The following DRAXIN variants were observed in gnomAD, a reference collection of about 807,000 sequenced individuals.
DRAXIN encodes dorsal inhibitory axon guidance protein, also known as dorsal repulsive axon guidance protein.
DRAXIN carries 27 observed loss-of-function variants against 33.9 expected under a neutral mutation model. That is an observed-to-expected ratio of 0.80 (90% CI 0.59 to 1.10). The LOEUF is 1.10. Ranked by LOEUF, DRAXIN falls within the 50% of genes least tolerant of loss-of-function variation. The pLI is 0.00. For missense variants in DRAXIN, 371 were observed against 460.8 expected (o/e 0.81, Z 1.78); for synonymous variants, 178 against 194.0 (o/e 0.92, Z 0.69).
At position 11,695,416 on chromosome 1, in the gene DRAXIN, T is replaced by TA. The variant is rs1038967040; in HGVS notation, c.-11+3573dup. The stretch of plus-strand genomic sequence containing the variant: ...CAACATGGTGCAACCCTATCTCTAC[T>TA]AAAAAAAAAAGATACAAAAATTAGC... On this transcript the variant is annotated intron_variant, in intron 1 of 6. Transcript: ENST00000294485. 3.4e-3 allele frequency among the ~76,000 whole-genome samples: 501 copies of TA among 146,690 alleles called. 2 individuals carry two copies. Among genetic ancestry groups the TA allele is most frequent in the African/African-American group, 0.011 (434 of 40,094 alleles).
intron 3 of DRAXIN, 120 bp from the exon 4 acceptor site, chr1:11,711,731 C>A: frequency 1.1e-6 from 1 of 882,490 alleles, no homozygotes; most frequent in Non-Finnish European, 1.8e-6. Flanking sequence ...CTCCAGGCTG[C>A]CCAGCAGAGG....
intron 6 of DRAXIN, among the ~76,000 whole-genome samples, chr1:11,716,399 CTT>C (rs111765019): frequency 1.0e-3 from 158 of 152,320 alleles, no homozygotes; most frequent in African/African-American, 3.6e-3. Flanking sequence ...GACAAGTACT[CTT>C]TTAAAAACAA....
chr1:11,699,800 G>A (rs1397664798), intron 1 of DRAXIN, among the ~76,000 whole-genome samples: 6 of 151,918 alleles, frequency 3.9e-5, no homozygotes, highest in Admixed American at 6.6e-5. Flanking sequence ...GGTGGTGCGT[G>A]CCTGTAATCC....
chr1:11,714,699 G>A (rs762733896), intron 5 of DRAXIN, among the ~76,000 whole-genome samples: 6 of 152,234 alleles, frequency 3.9e-5, no homozygotes, highest in African/African-American at 1.2e-4. Flanking sequence ...CTGGACAGTC[G>A]CTCTGGGAGC....
At position 11,721,510 on chromosome 1, in the gene DRAXIN, A is replaced by G. The variant is rs1017341473; in HGVS notation, c.*1814A>G. 1 of 152,272 alleles carries G rather than the reference A, an allele frequency of 6.6e-6. No individual in the cohort carries two copies. Among genetic ancestry groups the G allele is most frequent in the Non-Finnish European group, 1.5e-5 (1 of 68,068 alleles). 9.4% of individuals were successfully genotyped at this position (152,272 alleles called of 1,614,324 possible). On this transcript the variant is annotated 3_prime_UTR_variant, in exon 7 of 7. Transcript: ENST00000294485. ...CTGGATCACGCCCATAAGATGCCAG[A>G]GATGTTTACTGCGTTGGAAAAATCA...
intron 1 of DRAXIN, among the ~76,000 whole-genome samples, chr1:11,695,516 G>T (rs1476306425): frequency 6.6e-6 from 1 of 151,716 alleles, no homozygotes; most frequent in Non-Finnish European, 1.5e-5. Flanking sequence ...AACCCAGGAG[G>T]CACAGGTTGC....
chr1:11,687,008 A>C (rs1640969103), upstream of DRAXIN, among the ~76,000 whole-genome samples: 1 of 152,132 alleles, frequency 6.6e-6, no homozygotes. This position sits in a 1 kb window ranked among gnomAD's most constrained non-coding sequence, Gnocchi z 4.1. Context: ...TGCCAGGTAC[A>C]TCAGTTCCAA....
chr1:11,696,033 A>C lies in DRAXIN; in HGVS notation c.-11+4180A>C, dbSNP rs1641185640. Among the ~76,000 whole-genome samples, 1 of 152,170 alleles carries C rather than the reference A, an allele frequency of 6.6e-6. No homozygotes were observed. Among genetic ancestry groups the C allele is most frequent in the South Asian group, 2.1e-4 (1 of 4,832 alleles). On this transcript the variant is annotated intron_variant, in intron 1 of 6. Coordinates refer to ENST00000294485, the MANE Select transcript of DRAXIN (RefSeq NM_198545.4). This position sits in a 1 kb window ranked among gnomAD's most constrained non-coding sequence, Gnocchi z 4.7. ...TGGAGCTGCCCCTGCAGGGAAGCCA[A>C]ACCTCATTTGCCAGGACAATGGTCC... is the stretch of plus-strand genomic sequence containing the variant.
chr1:11,689,613 G>A (rs1031001609), upstream of DRAXIN, among the ~76,000 whole-genome samples: 21 of 152,124 alleles, frequency 1.4e-4, no homozygotes, highest in African/African-American at 4.6e-4. Context: ...AACAAAAGGC[G>A]GGGGGAGGGG....
intron 1 of DRAXIN, among the ~76,000 whole-genome samples, chr1:11,697,426 C>T (rs1641209867): frequency 6.6e-6 from 1 of 152,250 alleles, no homozygotes; most frequent in Non-Finnish European, 1.5e-5. Context: ...TTCCTGAGGA[C>T]AGCAACTGTA....
In DRAXIN at chr1:11,712,048, C is replaced by T. The variant is rs924922127; in HGVS notation, c.757+83C>T. 8.3e-6 allele frequency: 11 copies of T among 1,326,020 alleles called. No homozygotes were observed. In the East Asian group the frequency reaches 2.2e-4, roughly 27 times the overall value. 82.1% of individuals were successfully genotyped at this position (1,326,020 alleles called of 1,614,324 possible). ...CTGTTGAGGTGGGGGCCCCAGTGAG[C>T]CCTGTCTGATCTTCAGATGTCCAAA... On this transcript the variant is annotated intron_variant, in intron 4 of 6. Coordinates refer to ENST00000294485, the MANE Select transcript of DRAXIN (RefSeq NM_198545.4).
rs1447871745 is a variant in DRAXIN at position 11,694,135 on chromosome 1, T to A, written c.-11+2282T>A. Among the ~76,000 whole-genome samples the A allele has an allele frequency of 1.3e-5, 2 of 152,102 alleles. No individual in the cohort carries two copies. The highest frequency in any genetic ancestry group is 2.9e-5 in the Non-Finnish European group (2 of 68,026). On this transcript the variant is annotated intron_variant, in intron 1 of 6. Transcript: ENST00000294485. This position sits in a 1 kb window ranked among gnomAD's most constrained non-coding sequence, Gnocchi z 4.9. Reference sequence around the variant, plus strand: ...AGCTCTTGTGAACTGCACGGCATAATCCCTATCTGGGAGGGGTCTGCTCCT... The same window carrying A: ...AGCTCTTGTGAACTGCACGGCATAAACCCTATCTGGGAGGGGTCTGCTCCT...
chr1:11,702,931 C>T (rs559094020), intron 1 of DRAXIN, among the ~76,000 whole-genome samples: 3 of 152,220 alleles, frequency 2.0e-5, no homozygotes, highest in South Asian at 4.1e-4. Context: ...TTAGTAGAGG[C>T]GGGGCTTCAC....
At chr1:11,708,076 C>T (rs1011064411) in intron 2 of DRAXIN, among the ~76,000 whole-genome samples, 9 of 152,218 alleles carry the variant, frequency 5.9e-5, no homozygotes, top group South Asian at 2.1e-4. Context: ...CAGGGTCCCC[C>T]GGCTTCGACT....
chr1:11,707,906 C>T (rs1037614388), intron 2 of DRAXIN, among the ~76,000 whole-genome samples: 1 of 152,228 alleles, frequency 6.6e-6, no homozygotes, highest in African/African-American at 2.4e-5. Context: ...TCCATGTGAC[C>T]CGACTGCCTC....
Position 11,706,588 on chromosome 1 carries a change from C to A in DRAXIN, c.330C>A (p.Asp110Glu). The A allele has an allele frequency of 1.2e-6, 2 of 1,607,518 alleles. No homozygotes were observed. Among genetic ancestry groups the A allele is most frequent in the Non-Finnish European group, 1.7e-6 (2 of 1,179,388 alleles). Residue 110 changes from aspartate to glutamate, a missense_variant, in exon 2 of 7, where the codon GAC becomes GAA. By Grantham distance (45) the Asp-to-Glu change is conservative. Coordinates refer to ENST00000294485, the MANE Select transcript of DRAXIN (RefSeq NM_198545.4). This position sits in a 1 kb window ranked among gnomAD's most constrained non-coding sequence, Gnocchi z 5.5. Reference protein sequence around the residue: ...QSPAGLLQDKDLLLGLALPYP... With the variant: ...QSPAGLLQDKELLLGLALPYP... Reference sequence around the variant, plus strand: ...CTGCAGGCCTGCTGCAGGACAAGGACCTGCTCCTGGGACTGGCATTGCCCT... The same window carrying A: ...CTGCAGGCCTGCTGCAGGACAAGGAACTGCTCCTGGGACTGGCATTGCCCT...
chr1:11,693,804 C>T (rs1330187838), intron 1 of DRAXIN, among the ~76,000 whole-genome samples: 1 of 152,176 alleles, frequency 6.6e-6, no homozygotes, highest in East Asian at 1.9e-4. Context: ...GCCTTCCTCC[C>T]CACTATTCAA....
intron 5 of DRAXIN, 119 bp from the exon 6 acceptor site, chr1:11,715,000 C>A: frequency 8.2e-7 from 1 of 1,213,832 alleles, no homozygotes; most frequent in Non-Finnish European, 1.2e-6. Context: ...GATGGCCCAC[C>A]CCGCCAGGGC....
Position 11,720,211 on chromosome 1 carries a change from T to C in DRAXIN, c.*515T>C, listed in dbSNP as rs1641640936. ...ACAGGTTGAGGACCGTGAGGCACGC[T>C]GGAGTTATTTGACTCGACTTGCCCA... On this transcript the variant is annotated 3_prime_UTR_variant, in exon 7 of 7. Transcript: ENST00000294485. 1 of 156,738 alleles carries C rather than the reference T, an allele frequency of 6.4e-6. No individual in the cohort carries two copies. The highest frequency in any genetic ancestry group is 6.1e-5 in the Admixed American group (1 of 16,346). 9.7% of individuals were successfully genotyped at this position (156,738 alleles called of 1,614,324 possible). A position where few individuals can be genotyped will look rare whatever the true frequency, so the allele number is the denominator to read the frequency against.
Sources: allele counts gnomAD v4.1 joint callset (sites outside exome capture counted in the v4.1 genomes callset), GRCh38; gene constraint gnomAD v4.1.1; non-coding constraint Gnocchi (gnomAD v3.1); transcripts MANE v1.5; gene names NCBI Gene and HGNC (gene_info 2026-07-23, HGNC 2026-07-21).